CORO6: variants seen among roughly 807,000 people sequenced by gnomAD.
CORO6 encodes coronin 6.
CORO6 carries 43 observed loss-of-function variants against 49.0 expected under a neutral mutation model. That is an observed-to-expected ratio of 0.88 (90% CI 0.69 to 1.13). The LOEUF (loss-of-function observed/expected upper bound fraction) is 1.13. Among genes scored for constraint, CORO6 ranks in the 50% most tolerant of loss-of-function variants. The pLI is 0.00. For synonymous variants in CORO6, 233 were observed against 256.5 expected (o/e 0.91, Z 0.88); for missense variants, 650 against 647.0 (o/e 1.00, Z -0.05).
chr17:29,618,933 C>CGGGGA lies in CORO6; in HGVS notation c.489_490insTCCCC (p.Gly164SerfsTer7). On this transcript the variant is annotated frameshift_variant, in exon 5 of 11. Coordinates refer to ENST00000388767, the MANE Select transcript of CORO6 (RefSeq NM_032854.4). LOFTEE classifies it high-confidence loss of function. ...TCATCCAGGCTCAGCAGCACCTCCC[C>CGGGGA]GGTGCCCACATTCCAGATGATGATC... The CGGGGA allele has an allele frequency of 1.9e-6, 3 of 1,613,810 alleles. No homozygotes were observed. The highest frequency in any genetic ancestry group is 2.5e-6 in the Non-Finnish European group (3 of 1,180,004).
In CORO6 at chr17:29,616,663, G is replaced by A. The variant is rs2034948797; in HGVS notation, c.1004+39C>T. ...TAGGACCCGACATGAGTGGGGGACA[G>A]AGGCGGGTAGGTGTTCAGGAGGGGC... On this transcript the variant is annotated intron_variant, in intron 8 of 10. Transcript: ENST00000388767. This position sits in a 1 kb window ranked among gnomAD's most constrained non-coding sequence, Gnocchi z 5.6. 6.3e-7 allele frequency: 1 copy of A among 1,594,134 alleles called. No individual in the cohort carries two copies. Among genetic ancestry groups the A allele is most frequent in the Non-Finnish European group, 8.6e-7 (1 of 1,165,322 alleles).
rs761673821 is a variant in CORO6, at chr17:29,616,212, G to A, written c.1063-37C>T. The A allele has an allele frequency of 1.2e-6, 2 of 1,610,344 alleles. No individual in the cohort carries two copies. Among genetic ancestry groups the A allele is most frequent in the Non-Finnish European group, 1.7e-6 (2 of 1,177,662 alleles). The stretch of plus-strand genomic sequence containing the variant: ...GGTGGACAGGAGGACTTGCGTGAGA[G>A]GGTGCGGGGCTTGCTCCGCTCCCTT... On this transcript the variant is annotated intron_variant, in intron 9 of 10. Coordinates refer to ENST00000388767, the MANE Select transcript of CORO6 (RefSeq NM_032854.4). The surrounding 1 kb of genome is among the most constrained non-coding windows in gnomAD (Gnocchi z 5.6).
rs554061613 is a variant in CORO6 at position 29,616,595 on chromosome 17, C to T, written c.1004+107G>A. On this transcript the variant is annotated intron_variant, in intron 8 of 10. Transcript: ENST00000388767. The surrounding 1 kb of genome is among the most constrained non-coding windows in gnomAD (Gnocchi z 5.6). ...AAACAGAGCTGTCTTATCCCCCCGC[C>T]CCGCTTTTCCAAAGCACTGCATTAC... is the stretch of plus-strand genomic sequence containing the variant. 1 of 1,447,156 alleles carries T rather than the reference C, an allele frequency of 6.9e-7. No homozygotes were observed. The highest frequency in any genetic ancestry group is 2.3e-5 in the East Asian group (1 of 43,676). 89.6% of individuals were successfully genotyped at this position (1,447,156 alleles called of 1,614,324 possible).
At position 29,618,913 on chromosome 17, in the gene CORO6, C is replaced by T. The variant is rs368961234; in HGVS notation, c.510G>A (p.Leu170=). 1.9e-6 allele frequency: 3 copies of T among 1,613,954 alleles called. No individual in the cohort carries two copies. The highest frequency in any genetic ancestry group is 2.5e-6 in the Non-Finnish European group (3 of 1,180,026). ...GGATGACGTCTGGGTGCATATCATCCAGGCTCAGCAGCACCTCCCCGGTGC... is the reference window on the plus strand; with the variant it reads ...GGATGACGTCTGGGTGCATATCATCTAGGCTCAGCAGCACCTCCCCGGTGC... ...NVGTGEVLLS[L]DDMHPDVIHS... Residue 170 remains leucine, a synonymous_variant, in exon 5 of 11, where the codon CTG becomes CTA. Coordinates refer to ENST00000388767, the MANE Select transcript of CORO6 (RefSeq NM_032854.4).
Position 29,616,205 on chromosome 17 carries a change from C to G in CORO6, c.1063-30G>C, listed in dbSNP as rs774290038. On this transcript the variant is annotated intron_variant, in intron 9 of 10. Transcript: ENST00000388767. This position sits in a 1 kb window ranked among gnomAD's most constrained non-coding sequence, Gnocchi z 5.6. ...GGGGGTGGGTGGACAGGAGGACTTGCGTGAGAGGGTGCGGGGCTTGCTCCG... is the reference window on the plus strand; with the variant it reads ...GGGGGTGGGTGGACAGGAGGACTTGGGTGAGAGGGTGCGGGGCTTGCTCCG... The G allele has an allele frequency of 6.2e-7, 1 of 1,610,110 alleles. No homozygotes were observed. The highest frequency in any genetic ancestry group is 1.3e-5 in the African/African-American group (1 of 75,002).
At chr17:29,620,290 T>A (rs1327419785) in intron 2 of CORO6, among the ~76,000 whole-genome samples, 3 of 152,234 alleles carry the variant, frequency 2.0e-5, no homozygotes, top group Non-Finnish European at 4.4e-5. Flanking sequence ...GGCCCATCTA[T>A]TTTTTGGTCT....
In CORO6 at chr17:29,621,796, C is replaced by T. The variant is rs1307281121; in HGVS notation, c.-63-312G>A. 1.5e-5 allele frequency: 4 copies of T among 269,792 alleles called. No homozygotes were observed. The highest frequency in any genetic ancestry group is 4.5e-5 in the South Asian group (1 of 22,330). The allele number at this position is 269,792 out of a possible 1,614,324, so 16.7% of individuals were successfully genotyped here. On this transcript the variant is annotated intron_variant, in intron 1 of 10. Coordinates refer to ENST00000388767, the MANE Select transcript of CORO6 (RefSeq NM_032854.4). The surrounding 1 kb of genome is among the most constrained non-coding windows in gnomAD (Gnocchi z 4.2). The stretch of plus-strand genomic sequence containing the variant: ...TGCCTGCACCCCCCGCCCCCACCAC[C>T]GCCAGCCTTGATGAGCATCTCTTCA...
intron 1 of CORO6, chr17:29,622,092 G>A (rs544576313): frequency 6.5e-6 from 1 of 154,630 alleles, no homozygotes; most frequent in African/African-American, 2.4e-5. Context: ...AGAGTGAGGT[G>A]GATCCCTCTT....
chr17:29,619,148 C>A lies in CORO6; in HGVS notation c.363G>T (p.Thr121=). 1 of 1,613,660 alleles carries A rather than the reference C, an allele frequency of 6.2e-7. No homozygotes were observed. The highest frequency in any genetic ancestry group is 8.5e-7 in the Non-Finnish European group (1 of 1,179,918). ...IPDYTPMRNI[T]EPIITLEGHS... ...GGCCCTCAAGTGTGATGATAGGTTC[C>A]GTAATGTTGCGCATGGGGGTATAGT... The change falls in exon 4 of 11, where the codon ACG becomes ACT. Residue 121 remains threonine (T), a synonymous_variant. Transcript: ENST00000388767.
At chr17:29,617,121 C>T (rs2035000453) in intron 6 of CORO6, 79 bp from the exon 7 acceptor site, 2 of 1,585,204 alleles carry the variant, frequency 1.3e-6, no homozygotes, top group South Asian at 2.2e-5. Flanking sequence ...CCCCTTTACG[C>T]TTCCTGGCCT....
Position 29,615,982 on chromosome 17 carries a change from G to A in CORO6, c.1256C>T (p.Pro419Leu), listed in dbSNP as rs766020064. 9 of 1,583,242 alleles carry A rather than the reference G, an allele frequency of 5.7e-6. No homozygotes were observed. Among genetic ancestry groups the A allele is most frequent in the Middle Eastern group, 1.7e-4 (1 of 5,934 alleles). ...NILDVRPPSGPRRSQSASDAP... is the reference protein window; with the variant it reads ...NILDVRPPSGLRRSQSASDAP... ...GTCGCTGGCCGACTGGCTGCGGCGG[G>A]GGCCGGAGGGCGGGCGCACGTCCAG... Residue 419 changes from proline (P) to leucine (L), a missense_variant, in exon 10 of 11, where the codon CCC becomes CTC. Transcript: ENST00000388767.
rs1311667047 is a variant in CORO6 at position 29,616,034 on chromosome 17, C to G, written c.1204G>C (p.Glu402Gln). The G allele has an allele frequency of 6.2e-7, 1 of 1,609,838 alleles. No homozygotes were observed. The highest frequency in any genetic ancestry group is 1.1e-5 in the South Asian group (1 of 90,756). ...RDGYVPPKHR[E>Q]LRVTKRNILD... ...ATGTTGCGCTTCGTGACCCGGAGCT[C>G]GCGGTGCTTGGGGGGCACATAGCCG... The change falls in exon 10 of 11, where the codon GAG becomes CAG. Residue 402 changes from glutamate to glutamine, a missense_variant. Physicochemically the swap from Glu to Gln is conservative, Grantham distance 29. Coordinates refer to ENST00000388767, the MANE Select transcript of CORO6 (RefSeq NM_032854.4). The surrounding 1 kb of genome is among the most constrained non-coding windows in gnomAD (Gnocchi z 5.6).
In CORO6 at chr17:29,616,928, C is replaced by A; in HGVS notation, c.858+10G>T. On this transcript the variant is annotated intron_variant, in intron 7 of 10. Transcript: ENST00000388767. The surrounding 1 kb of genome is among the most constrained non-coding windows in gnomAD (Gnocchi z 5.6). Reference sequence around the variant, plus strand: ...CCAGTGCCCTGTTCTCCCTGCCCGGCCGTGAGCACCTTGCCACACAGGTAG... The same window carrying A: ...CCAGTGCCCTGTTCTCCCTGCCCGGACGTGAGCACCTTGCCACACAGGTAG... 6.2e-7 allele frequency: 1 copy of A among 1,613,712 alleles called. No individual in the cohort carries two copies. Among genetic ancestry groups the A allele is most frequent in the Non-Finnish European group, 8.5e-7 (1 of 1,179,980 alleles).
chr17:29,621,426 G>T lies in CORO6; in HGVS notation c.-5C>A, dbSNP rs2035303661. The T allele has an allele frequency of 6.2e-7, 1 of 1,601,216 alleles. No individual in the cohort carries two copies. The highest frequency in any genetic ancestry group is 8.5e-7 in the Non-Finnish European group (1 of 1,173,352). On this transcript the variant is annotated 5_prime_UTR_variant, in exon 2 of 11. An upstream open reading frame in the 5' UTR gains an earlier in-frame stop. Coordinates refer to ENST00000388767, the MANE Select transcript of CORO6 (RefSeq NM_032854.4). This position sits in a 1 kb window ranked among gnomAD's most constrained non-coding sequence, Gnocchi z 4.2. ...CCGAACCACACGTCTGCTCATAGCTGCAGGCAGAGAGGTAGGATCTCAGTG... is the reference window on the plus strand; with the variant it reads ...CCGAACCACACGTCTGCTCATAGCTTCAGGCAGAGAGGTAGGATCTCAGTG...
intron 3 of CORO6, 21 bp from the exon 4 acceptor site, chr17:29,619,210 T>C (rs2150934435): frequency 6.2e-7 from 1 of 1,611,502 alleles, no homozygotes; most frequent in Non-Finnish European, 8.5e-7. Context: ...AGAAAAGGTA[T>C]ATGGTGGGTG....
chr17:29,618,232 C>T (rs1203694043), intron 5 of CORO6: 2 of 1,323,070 alleles, frequency 1.5e-6, no homozygotes, highest in South Asian at 2.0e-5. Context: ...GGCGCGCTTG[C>T]TCCACGCAGA....
rs2035040318 is a variant in CORO6 at position 29,617,539 on chromosome 17, G to A, written c.714C>T (p.Phe238=). The A allele has an allele frequency of 3.1e-6, 5 of 1,611,296 alleles. No individual in the cohort carries two copies. Among genetic ancestry groups the A allele is most frequent in the East Asian group, 2.2e-5 (1 of 44,870 alleles). The change falls in exon 6 of 11, where the codon TTC becomes TTT. Residue 238 remains phenylalanine, a synonymous_variant. Transcript: ENST00000388767. ...TRQGHIFTTG[F]TRMSQRELGL... ...CCAGCTCTCGCTGGCTCATGCGGGT[G>A]AAGCCCGTGGTGAAGATATGGCCCT... is the stretch of plus-strand genomic sequence containing the variant.
intron 5 of CORO6, chr17:29,618,555 C>A (rs997202667): frequency 2.2e-6 from 3 of 1,376,970 alleles, no homozygotes; most frequent in Non-Finnish European, 2.8e-6. Flanking sequence ...CTTCTCTGAG[C>A]TTCTGAGATG....
Position 29,621,171 on chromosome 17 carries a change from C to T in CORO6, c.198+53G>A, listed in dbSNP as rs540588093. On this transcript the variant is annotated intron_variant, in intron 2 of 10. Transcript: ENST00000388767. This position sits in a 1 kb window ranked among gnomAD's most constrained non-coding sequence, Gnocchi z 4.2. ...GGTGAGAACAAAGGCTCAGGAGTTC[C>T]CAGGGGCCCCAGCTAGTGTCCTCCC... is the stretch of plus-strand genomic sequence containing the variant. 49 of 1,607,994 alleles carry T rather than the reference C, an allele frequency of 3.0e-5. No homozygotes were observed. The African/African-American group carries it at 5.3e-4, about 18-fold the overall frequency.
Sources: gnomAD v4.1 joint callset for allele counts (sites outside exome capture counted in the v4.1 genomes callset) on GRCh38, gnomAD v4.1.1 for gene constraint, Gnocchi (gnomAD v3.1) non-coding constraint, MANE v1.5 for transcripts, NCBI Gene and HGNC (gene_info 2026-07-23, HGNC 2026-07-21) for gene names.